The following DPP10 variants were observed in gnomAD, a reference collection of about 807,000 sequenced individuals.
DPP10 encodes inactive dipeptidyl peptidase 10.
A neutral mutation model predicts 120.9 loss-of-function variants in DPP10; 33 were observed. That is an observed-to-expected ratio of 0.27 (90% CI 0.21 to 0.37). The LOEUF (loss-of-function observed/expected upper bound fraction) is 0.37. Among genes scored for constraint, DPP10 ranks in the 10% least tolerant of loss-of-function variants. DPP10 has a pLI of 1.00. For synonymous variants in DPP10, 337 were observed against 326.1 expected, an observed-to-expected ratio of 1.03 and a Z score of -0.36; for missense variants, 816 against 942.8, an observed-to-expected ratio of 0.87 and a Z score of 1.76.
At chr2:115,342,349 G>GA (rs1371922905) in intron 2 of DPP10, among the ~76,000 whole-genome samples, 1 of 152,040 alleles carries the variant, frequency 6.6e-6, no homozygotes, top group Non-Finnish European at 1.5e-5. Flanking sequence ...TGGGACCTCA[G>GA]ACATGCACCA....
At chr2:115,189,685 T>G (rs2105216160) in intron 1 of DPP10, among the ~76,000 whole-genome samples, 1 of 152,256 alleles carries the variant, frequency 6.6e-6, no homozygotes, top group African/African-American at 2.4e-5. Context: ...AAAACTTCTC[T>G]GAATAAGGTG....
At chr2:114,771,970 T>A (rs1050943151) in intron 1 of DPP10, among the ~76,000 whole-genome samples, 2 of 152,020 alleles carry the variant, frequency 1.3e-5, no homozygotes, top group Admixed American at 6.6e-5. Context: ...TAAAATTAAT[T>A]ATTGAAGAAA....
chr2:114,969,875 C>A (rs935046747), intron 1 of DPP10, among the ~76,000 whole-genome samples: 1 of 152,098 alleles, frequency 6.6e-6, no homozygotes, highest in Non-Finnish European at 1.5e-5. Flanking sequence ...CCCCACTAAC[C>A]CTCATTAAAT....
chr2:114,824,534 C>T (rs547927719), intron 1 of DPP10, among the ~76,000 whole-genome samples: 17 of 151,852 alleles, frequency 1.1e-4, no homozygotes, highest in East Asian at 1.9e-4. Context: ...GTGCCATTGT[C>T]GGATAGCTTT....
chr2:114,871,602 A>G (rs1285550769), intron 1 of DPP10, among the ~76,000 whole-genome samples: 1 of 152,206 alleles, frequency 6.6e-6, no homozygotes, highest in Non-Finnish European at 1.5e-5. Context: ...ATGTGTCTGG[A>G]TGGTACTAAG....
chr2:115,498,026 A>G (rs67302530), intron 3 of DPP10, among the ~76,000 whole-genome samples: 32,203 of 151,944 alleles, frequency 0.21, 3,918 homozygotes, highest in East Asian at 0.39. Context: ...TTTAAAGATC[A>G]TATAGAACTA....
At chr2:115,206,690 G>A (rs1056610203) in intron 1 of DPP10, among the ~76,000 whole-genome samples, 1 of 152,074 alleles carries the variant, frequency 6.6e-6, no homozygotes, top group African/African-American at 2.4e-5. Flanking sequence ...TGGGTTGTGG[G>A]CAACCATTTT....
At chr2:114,972,662 G>C (rs1699473379) in intron 1 of DPP10, among the ~76,000 whole-genome samples, 1 of 152,106 alleles carries the variant, frequency 6.6e-6, no homozygotes, top group Non-Finnish European at 1.5e-5. Context: ...TCAGCAATTG[G>C]ACCTACATGT....
At chr2:115,115,023 A>T (rs1429072659) in intron 1 of DPP10, among the ~76,000 whole-genome samples, 2 of 151,930 alleles carry the variant, frequency 1.3e-5, no homozygotes, top group African/African-American at 4.8e-5. Context: ...GTCATAGGGC[A>T]CTATGCTGGT....
At chr2:115,436,382 C>G (rs1463856944) in intron 3 of DPP10, among the ~76,000 whole-genome samples, 1 of 141,054 alleles carries the variant, frequency 7.1e-6, no homozygotes, top group Non-Finnish European at 1.6e-5. Context: ...AATCTAGAGA[C>G]AAGCACATTG....
chr2:115,449,838 G>T lies in DPP10; in HGVS notation c.272-49672G>T, dbSNP rs1471877098. 2.0e-5 allele frequency among the ~76,000 whole-genome samples: 3 copies of T among 152,056 alleles called. No homozygotes were observed. In the East Asian group the frequency reaches 5.8e-4, roughly 29 times the overall value. ...TAGCAAGGTAGTACAGAAGTTACGT[G>T]AAAATTAGTCTGTACTATAGTTACA... On this transcript the variant is annotated intron_variant, in intron 3 of 25. Coordinates refer to ENST00000410059, the MANE Select transcript of DPP10 (RefSeq NM_020868.6).
intron 1 of DPP10, among the ~76,000 whole-genome samples, chr2:114,918,718 C>T (rs921387312): frequency 6.6e-6 from 1 of 152,248 alleles, no homozygotes; most frequent in Non-Finnish European, 1.5e-5. Context: ...ACTGCATGTT[C>T]TCACTTATAT....
At chr2:114,898,238 T>A (rs1220552531) in intron 1 of DPP10, among the ~76,000 whole-genome samples, 2 of 151,582 alleles carry the variant, frequency 1.3e-5, no homozygotes, top group Non-Finnish European at 2.9e-5. Context: ...CTCAGCAAAC[T>A]ATCGCAAGGA....
At chr2:114,695,096 T>C (rs917203597) in intron 1 of DPP10, among the ~76,000 whole-genome samples, 1 of 151,770 alleles carries the variant, frequency 6.6e-6, no homozygotes, top group Admixed American at 6.6e-5. Flanking sequence ...ATGGAGGGGG[T>C]GATATACTCA....
At chr2:114,535,904 C>T (rs184959091) in intron 1 of DPP10, among the ~76,000 whole-genome samples, 1 of 152,274 alleles carries the variant, frequency 6.6e-6, no homozygotes, top group African/African-American at 2.4e-5. Context: ...TCAGTAAGAA[C>T]ACATGCAGGT....
rs999959189 is a variant in DPP10 at position 115,762,455 on chromosome 2, T to C, written c.1075-117T>C. On this transcript the variant is annotated intron_variant, in intron 11 of 25. Transcript: ENST00000410059. ...ATAATGACAATGAAATCTCTCATGG[T>C]GTTTCACCAGTTGAAGAGAGGGAAA... The C allele has an allele frequency of 8.8e-6, 8 of 910,178 alleles. No individual in the cohort carries two copies. In the African/African-American group the frequency reaches 1.3e-4, roughly 15 times the overall value. The allele number at this position is 910,178 out of a possible 1,614,324, so 56.4% of individuals were successfully genotyped here. A position where few individuals can be genotyped will look rare whatever the true frequency, so the allele number is the denominator to read the frequency against.
intron 1 of DPP10, among the ~76,000 whole-genome samples, chr2:114,895,705 C>T: frequency 6.6e-6 from 1 of 152,144 alleles, no homozygotes; most frequent in East Asian, 1.9e-4. Flanking sequence ...ACTTATTTTT[C>T]ACAGGAATTA....
At chr2:115,264,636 T>A (rs995157414) in intron 1 of DPP10, among the ~76,000 whole-genome samples, 2 of 152,214 alleles carry the variant, frequency 1.3e-5, no homozygotes, top group African/African-American at 2.4e-5. Flanking sequence ...ATCTGTCACA[T>A]GAAATATGCT....
At position 114,716,636 on chromosome 2, in the gene DPP10, C is replaced by T. The variant is rs191112075; in HGVS notation, c.60+273798C>T. Among the ~76,000 whole-genome samples the T allele has an allele frequency of 1.1e-4, 17 of 152,288 alleles. No individual in the cohort carries two copies. In the East Asian group the frequency reaches 2.9e-3, roughly 26 times the overall value. ...AACATCTTGCTGTATACAAACAAAA[C>T]TACAATCTTGATTATGTTCTTAACT... is the stretch of plus-strand genomic sequence containing the variant. On this transcript the variant is annotated intron_variant, in intron 1 of 25. Transcript: ENST00000410059.
Sources: gnomAD v4.1 joint callset for allele counts (sites outside exome capture counted in the v4.1 genomes callset) on GRCh38, gnomAD v4.1.1 for gene constraint, MANE v1.5 for transcripts, NCBI Gene and HGNC (gene_info 2026-07-23, HGNC 2026-07-21) for gene names.